KIAA0040: variants seen among roughly 807,000 people sequenced by gnomAD.
KIAA0040 encodes the protein KIAA0040, also known as uncharacterized protein KIAA0040.
In KIAA0040, 10 loss-of-function variants were observed where a neutral mutation model predicts 7.2. That is an observed-to-expected ratio of 1.38 (90% CI 0.85 to 2.34). The LOEUF (loss-of-function observed/expected upper bound fraction) is 2.34, where lower values mean the gene tolerates loss of function less well. Ranked by LOEUF, KIAA0040 falls within the 30% of genes most tolerant of loss-of-function variation. KIAA0040 has a pLI of 0.00. For synonymous variants in KIAA0040, 49 were observed against 40.1 expected (o/e 1.22, Z -0.84); for missense variants, 89 against 108.2 (o/e 0.82, Z 0.79).
chr1:175,163,383 G>T (rs546760452), intron 3 of KIAA0040, among the ~76,000 whole-genome samples: 1 of 152,344 alleles, frequency 6.6e-6, no homozygotes, highest in Admixed American at 6.5e-5. Flanking sequence ...GCATATGGCT[G>T]CCTGAACTTA....
At chr1:175,189,376 TG>T (rs1263645375) in intron 1 of KIAA0040, among the ~76,000 whole-genome samples, 3 of 152,220 alleles carry the variant, frequency 2.0e-5, no homozygotes, top group Admixed American at 6.5e-5. Flanking sequence ...TGGACTCAGC[TG>T]CAAGTGGGGT....
chr1:175,188,578 G>T (rs1454621011), intron 1 of KIAA0040, among the ~76,000 whole-genome samples: 1 of 152,088 alleles, frequency 6.6e-6, no homozygotes, highest in African/African-American at 2.4e-5. Context: ...CTAATCCACT[G>T]GTCTCTAGCT....
intron 2 of KIAA0040, among the ~76,000 whole-genome samples, chr1:175,167,701 G>A (rs1351420692): frequency 1.3e-5 from 2 of 152,148 alleles, no homozygotes; most frequent in Non-Finnish European, 2.9e-5. Context: ...AGTGGCAGCT[G>A]GGCCAAGGGT....
intron 2 of KIAA0040, among the ~76,000 whole-genome samples, chr1:175,174,673 T>G (rs145044808): frequency 1.1e-4 from 16 of 152,214 alleles, no homozygotes; most frequent in African/African-American, 3.9e-4. Context: ...CTCTTACTGA[T>G]GCAGTCCTCC....
intron 3 of KIAA0040, among the ~76,000 whole-genome samples, chr1:175,165,261 A>G (rs1280870429): frequency 2.0e-5 from 3 of 152,310 alleles, no homozygotes; most frequent in African/African-American, 7.2e-5. Context: ...GTCAACCTGC[A>G]TGACCTTGGC....
At position 175,157,211 on chromosome 1, in the gene KIAA0040, C is replaced by T. The variant is rs1170220876; in HGVS notation, c.*3503G>A. On this transcript the variant is annotated 3_prime_UTR_variant, in exon 4 of 4. Coordinates refer to ENST00000423313, the MANE Select transcript of KIAA0040 (RefSeq NM_014656.3). Reference sequence around the variant, plus strand: ...TTCTTCCTTAGGTTTTTGCTATTTCCCCCCTTTTCCTTTAAGAAGCCATTG... The same window carrying T: ...TTCTTCCTTAGGTTTTTGCTATTTCTCCCCTTTTCCTTTAAGAAGCCATTG... 1 of 152,160 alleles carries T rather than the reference C, an allele frequency of 6.6e-6. No homozygotes were observed. The highest frequency in any genetic ancestry group is 2.1e-4 in the South Asian group (1 of 4,834). 9.4% of individuals were successfully genotyped at this position (152,160 alleles called of 1,614,324 possible). A position where few individuals can be genotyped will look rare whatever the true frequency, so the allele number is the denominator to read the frequency against.
intron 2 of KIAA0040, among the ~76,000 whole-genome samples, chr1:175,175,035 GAGTT>G (rs1286570946): frequency 7.9e-5 from 12 of 152,202 alleles, no homozygotes; most frequent in African/African-American, 2.9e-4. Context: ...GGTCATCTGT[GAGTT>G]AGGAGCGGTT....
At chr1:175,164,270 C>T (rs1179000013) in intron 3 of KIAA0040, among the ~76,000 whole-genome samples, 1 of 152,196 alleles carries the variant, frequency 6.6e-6, no homozygotes, top group African/African-American at 2.4e-5. Context: ...CAAACATTCA[C>T]TGAGCACCTA....
At chr1:175,177,957 A>C (rs1219362459) in intron 1 of KIAA0040, among the ~76,000 whole-genome samples, 1 of 152,240 alleles carries the variant, frequency 6.6e-6, no homozygotes, top group Non-Finnish European at 1.5e-5. Flanking sequence ...TATTCCCAGC[A>C]GTTGCAGGGA....
rs1413815984 is a variant in KIAA0040 at position 175,174,833 on chromosome 1, G to A, written c.-310+2778C>T. Reference sequence around the variant, plus strand: ...TATATATATATACACATACATACATGATCTGACCACATCCTGGTATTAGTG... The same window carrying A: ...TATATATATATACACATACATACATAATCTGACCACATCCTGGTATTAGTG... On this transcript the variant is annotated intron_variant, in intron 2 of 3. Coordinates refer to ENST00000423313, the MANE Select transcript of KIAA0040 (RefSeq NM_014656.3). Among the ~76,000 whole-genome samples the A allele has an allele frequency of 3.3e-5, 5 of 151,524 alleles. No individual in the cohort carries two copies. In the East Asian group the frequency reaches 9.7e-4, roughly 29 times the overall value.
rs1318308763 is a variant in KIAA0040 at position 175,159,257 on chromosome 1, T to C, written c.*1457A>G. The C allele has an allele frequency of 6.6e-6, 1 of 152,262 alleles. No individual in the cohort carries two copies. The highest frequency in any genetic ancestry group is 1.5e-5 in the Non-Finnish European group (1 of 68,042). The allele number at this position is 152,262 out of a possible 1,614,324, so 9.4% of individuals were successfully genotyped here. A position where few individuals can be genotyped will look rare whatever the true frequency, so the allele number is the denominator to read the frequency against. On this transcript the variant is annotated 3_prime_UTR_variant, in exon 4 of 4. Transcript: ENST00000423313. ...AACCTCACTCTGGCGGGGAAAGCCC[T>C]CCTCAGCTCACTGTGGATCTAATTT...
rs982134521 is a variant in KIAA0040, at chr1:175,178,543, T to C, written c.-383-859A>G. Among the ~76,000 whole-genome samples, 3 of 152,240 alleles carry C rather than the reference T, an allele frequency of 2.0e-5. No individual in the cohort carries two copies. The East Asian group carries it at 5.8e-4, about 29-fold the overall frequency. ...TTCCTGTAGTTGCATGTGGATTTCA[T>C]GTCAAGAAGCATTAGTTAAGTATTT... On this transcript the variant is annotated intron_variant, in intron 1 of 3. Transcript: ENST00000423313.
intron 1 of KIAA0040, among the ~76,000 whole-genome samples, chr1:175,190,890 C>T (rs374119154): frequency 3.3e-5 from 5 of 152,186 alleles, no homozygotes; most frequent in African/African-American, 1.2e-4. Context: ...ACGCTATTCC[C>T]TACCTGCCAT....
At chr1:175,171,378 G>A (rs1676986485) in intron 2 of KIAA0040, among the ~76,000 whole-genome samples, 1 of 152,184 alleles carries the variant, frequency 6.6e-6, no homozygotes, top group South Asian at 2.1e-4. Flanking sequence ...TATTCTGTTT[G>A]GATGCCCAGA....
At chr1:175,164,479 T>A (rs1265100021) in intron 3 of KIAA0040, among the ~76,000 whole-genome samples, 3 of 152,200 alleles carry the variant, frequency 2.0e-5, no homozygotes, top group Non-Finnish European at 4.4e-5. Flanking sequence ...GAATTATATG[T>A]TTATCTCAAC....
At position 175,160,858 on chromosome 1, in the gene KIAA0040, C is replaced by T; in HGVS notation, c.156G>A (p.Trp52Ter). 6.4e-7 allele frequency: 1 copy of T among 1,551,366 alleles called. No homozygotes were observed. Residue 52 changes from tryptophan (W) to a stop codon, truncating the protein, a stop_gained, in exon 4 of 4, where the codon TGG (tryptophan) becomes TGA (stop). Transcript: ENST00000423313. LOFTEE classifies it high-confidence loss of function. ...TLLFICCHCC[W>*]SPPGKRGQQP... ...GCTGGCCCCTCTTGCCTGGTGGGCT[C>T]CAGCAGCAATGGCAACAGATGAAGA... is the stretch of plus-strand genomic sequence containing the variant.
chr1:175,165,999 G>A (rs1355418337), intron 3 of KIAA0040, among the ~76,000 whole-genome samples: 1 of 152,194 alleles, frequency 6.6e-6, no homozygotes, highest in Non-Finnish European at 1.5e-5. Flanking sequence ...GATCACAATG[G>A]CACCCAATTA....
intron 3 of KIAA0040, among the ~76,000 whole-genome samples, chr1:175,162,507 C>T (rs1676587084): frequency 6.6e-6 from 1 of 152,012 alleles, no homozygotes; most frequent in Non-Finnish European, 1.5e-5. Flanking sequence ...TTTATACTTG[C>T]ATTTCACTTC....
At chr1:175,192,817 G>GCCCCCCC (rs1558405268), upstream of KIAA0040, 58 of 123,496 alleles carry the variant, frequency 4.7e-4, no homozygotes, top group East Asian at 1.3e-3. Context: ...CGTGGGAGCC[G>GCCCCCCC]CCCGCCCCGC....
Sources: allele counts gnomAD v4.1 joint callset (sites outside exome capture counted in the v4.1 genomes callset), GRCh38; gene constraint gnomAD v4.1.1; transcripts MANE v1.5; gene names NCBI Gene and HGNC (gene_info 2026-07-23, HGNC 2026-07-21).